UACA: variants seen among roughly 807,000 people sequenced by gnomAD.
The protein encoded by UACA is nuclear membrane binding protein.
A neutral mutation model predicts 160.5 loss-of-function variants in UACA; 112 were observed. That is an observed-to-expected ratio of 0.70 (90% confidence interval 0.60 to 0.82). The LOEUF is 0.82. Ranked by LOEUF, UACA falls within the 40% of genes least tolerant of loss-of-function variation. The pLI is 0.00. For synonymous variants in UACA, 557 were observed against 568.4 expected, an observed-to-expected ratio of 0.98 and a Z score of 0.29; for missense variants, 1,574 against 1,614.6, an observed-to-expected ratio of 0.97 and a Z score of 0.43.
At chr15:70,711,075 CTT>C (rs1898668627) in intron 1 of UACA, among the ~76,000 whole-genome samples, 2 of 152,214 alleles carry the variant, frequency 1.3e-5, no homozygotes, top group South Asian at 4.1e-4. Context: ...AAAAGGCACT[CTT>C]ATCTCTCTGG....
At chr15:70,765,262 G>A (rs932078525), upstream of UACA, among the ~76,000 whole-genome samples, 3 of 152,046 alleles carry the variant, frequency 2.0e-5, no homozygotes, top group Admixed American at 6.5e-5. Context: ...ATTGGTAGGG[G>A]ATGTCGGGGG....
intron 1 of UACA, among the ~76,000 whole-genome samples, chr15:70,761,045 A>T (rs899359975): frequency 2.8e-4 from 42 of 152,182 alleles, no homozygotes; most frequent in African/African-American, 9.7e-4. Context: ...ACAGACACAC[A>T]CTTGAAATAT....
At position 70,668,613 on chromosome 15, in the gene UACA, T is replaced by TA. The variant is rs772377977; in HGVS notation, c.2070dup (p.Lys691Ter). 9 of 1,613,962 alleles carry TA rather than the reference T, an allele frequency of 5.6e-6. No individual in the cohort carries two copies. In the South Asian group the frequency reaches 8.8e-5, roughly 16 times the overall value. On this transcript the variant is annotated frameshift_variant, in exon 16 of 19. Transcript: ENST00000322954. LOFTEE classifies it high-confidence loss of function. ...CCTGATTTCTGTTCTAATCTGCTCT[T>TA]AACCTGTTCATGTTCCTCTGGTTTG...
At chr15:70,764,510 A>G (rs911442047), upstream of UACA, among the ~76,000 whole-genome samples, 3 of 152,342 alleles carry the variant, frequency 2.0e-5, no homozygotes, top group South Asian at 4.1e-4. Flanking sequence ...CAAAACGTTT[A>G]TCGTAGCATG....
intron 13 of UACA, among the ~76,000 whole-genome samples, chr15:70,675,731 T>C (rs187478953): frequency 6.6e-6 from 1 of 152,346 alleles, no homozygotes; most frequent in African/African-American, 2.4e-5. Flanking sequence ...CAAAGAAGAA[T>C]ATTATTTTTG....
At chr15:70,672,147 A>C (rs935849249) in intron 13 of UACA, 146 bp from the exon 14 acceptor site, 1 of 535,682 alleles carries the variant, frequency 1.9e-6, no homozygotes, top group Admixed American at 3.9e-5. Context: ...ACTCAAACCC[A>C]CAAAAAGAAA....
intron 1 of UACA, among the ~76,000 whole-genome samples, chr15:70,726,534 G>A (rs899660440): frequency 6.6e-6 from 1 of 151,888 alleles, no homozygotes; most frequent in South Asian, 2.1e-4. Flanking sequence ...CATTTCATTT[G>A]GCTTTACTTT....
At chr15:70,770,372 T>C in the UACA span, among the ~76,000 whole-genome samples, 4 of 152,242 alleles carry the variant, frequency 2.6e-5, no homozygotes, top group Non-Finnish European at 5.9e-5. Flanking sequence ...GCATATTTTA[T>C]TCAAAGAGAT....
chr15:70,688,907 G>A (rs1897826070), intron 5 of UACA, among the ~76,000 whole-genome samples: 1 of 152,162 alleles, frequency 6.6e-6, no homozygotes, highest in African/African-American at 2.4e-5. Context: ...AGAAAATGCA[G>A]TATTTTACCA....
intron 1 of UACA, among the ~76,000 whole-genome samples, chr15:70,712,064 A>ATATATATATAGATATATATATATATC (rs909386790): frequency 4.1e-5 from 6 of 145,464 alleles, no homozygotes; most frequent in African/African-American, 1.4e-4. Flanking sequence ...ATATATATAT[A>ATATATATATAGATATATATATATATC]TATCTCCATA....
chr15:70,657,030 CAG>C lies in UACA; in HGVS notation c.*24_*25del. 2 of 1,605,942 alleles carry C rather than the reference CAG, an allele frequency of 1.2e-6. No homozygotes were observed. Among genetic ancestry groups the C allele is most frequent in the Non-Finnish European group, 1.7e-6 (2 of 1,172,656 alleles). The stretch of plus-strand genomic sequence containing the variant: ...AATGTTCAGCACCAGCAAGATAAAA[CAG>C]ATACTGGCAGTCAGTGCTAACGGCT... On this transcript the variant is annotated 3_prime_UTR_variant, in exon 19 of 19. Transcript: ENST00000322954.
intron 1 of UACA, among the ~76,000 whole-genome samples, chr15:70,761,290 G>A (rs1262178162): frequency 6.6e-6 from 1 of 152,088 alleles, no homozygotes; most frequent in East Asian, 1.9e-4. Context: ...GCTGAAGCAG[G>A]GGTTAGGGAA....
chr15:70,772,515 A>AG, the UACA span, among the ~76,000 whole-genome samples: 5 of 149,538 alleles, frequency 3.3e-5, no homozygotes, highest in South Asian at 6.3e-4. Flanking sequence ...AAAAAAAAAA[A>AG]AAGAATCTAG....
At chr15:70,671,481 G>A (rs547127518) in intron 14 of UACA, 1 of 159,476 alleles carries the variant, frequency 6.3e-6, no homozygotes, top group African/African-American at 2.4e-5. Context: ...GGAGAGAATA[G>A]TTTAATAGTC....
chr15:70,728,890 C>A (rs1899230300), intron 1 of UACA, among the ~76,000 whole-genome samples: 1 of 152,256 alleles, frequency 6.6e-6, no homozygotes, highest in Middle Eastern at 3.4e-3. Context: ...CATGAACCGA[C>A]ACCTCTCAAA....
In UACA at chr15:70,722,842, TA is replaced by T. The variant is rs1899031926; in HGVS notation, c.79-23183del. On this transcript the variant is annotated intron_variant, in intron 1 of 18. Transcript: ENST00000322954. Reference sequence around the variant, plus strand: ...CCCTCTGGTGGCAACTAAGAGAAGCTATTTTTTTCTTCAATTCAGTTTGAAA... The same window carrying T: ...CCCTCTGGTGGCAACTAAGAGAAGCTTTTTTTTCTTCAATTCAGTTTGAAA... Among the ~76,000 whole-genome samples the T allele has an allele frequency of 3.3e-5, 5 of 152,336 alleles. No homozygotes were observed. The South Asian group carries it at 1.0e-3, about 32-fold the overall frequency.
chr15:70,725,809 G>A (rs141480196), intron 1 of UACA, among the ~76,000 whole-genome samples: 6 of 152,226 alleles, frequency 3.9e-5, no homozygotes, highest in Non-Finnish European at 7.4e-5. Flanking sequence ...AACAATCCAA[G>A]GAAGATGAAG....
intron 1 of UACA, among the ~76,000 whole-genome samples, chr15:70,747,124 T>C (rs1377209604): frequency 6.6e-6 from 1 of 151,978 alleles, no homozygotes; most frequent in Non-Finnish European, 1.5e-5. Context: ...ACTTAAAGTA[T>C]AATTTTCAAA....
Position 70,668,690 on chromosome 15 carries a change from C to A in UACA, c.1994G>T (p.Arg665Ile). Residue 665 changes from arginine to isoleucine, a missense_variant, in exon 16 of 19, where the codon AGA (arginine) becomes ATA (isoleucine). By Grantham distance (97) the Arg-to-Ile change is moderately conservative. Transcript: ENST00000322954. ...REHEKSLSEI[R>I]QLKRELENVK... ...ATTCTCAAGTTCTCTCTTTAACTGT[C>A]TAATTTCACTAAGTGATTTTTCATG... The A allele has an allele frequency of 6.2e-7, 1 of 1,614,016 alleles. No homozygotes were observed. The highest frequency in any genetic ancestry group is 8.5e-7 in the Non-Finnish European group (1 of 1,179,994).
Sources: allele counts gnomAD v4.1 joint callset (sites outside exome capture counted in the v4.1 genomes callset), GRCh38; gene constraint gnomAD v4.1.1; transcripts MANE v1.5; gene names NCBI Gene and HGNC (gene_info 2026-07-23, HGNC 2026-07-21).